Variants in PGM2 observed in about 807,000 individuals in gnomAD.
PGM2 encodes the protein phosphoglucomutase 2.
In PGM2, 57 loss-of-function variants were observed where a neutral mutation model predicts 74.6. The observed-to-expected ratio is 0.76, with a 90% CI of 0.62 to 0.95. PGM2 has a LOEUF of 0.95. PGM2 is among the 40% of genes least tolerant of loss of function. PGM2 has a pLI of 0.00. For synonymous variants in PGM2, 273 were observed against 260.7 expected (o/e 1.05, Z -0.46); for missense variants, 706 against 741.9 (o/e 0.95, Z 0.56).
intron 6 of PGM2, among the ~76,000 whole-genome samples, chr4:37,840,772 C>A (rs938158892): frequency 1.1e-4 from 16 of 152,012 alleles, no homozygotes; most frequent in Non-Finnish European, 2.2e-4. Context: ...GCTTTGAGGT[C>A]CACACAGACT....
chr4:37,857,826 A>G (rs563697275), intron 13 of PGM2, among the ~76,000 whole-genome samples: 2 of 152,342 alleles, frequency 1.3e-5, no homozygotes, highest in East Asian at 1.9e-4. Context: ...ATATTATGCA[A>G]GAATCTTGTT....
rs570595769 is a variant in PGM2 at position 37,862,914 on chromosome 4, G to A, written c.*1302G>A. 1 of 152,102 alleles carries A rather than the reference G, an allele frequency of 6.6e-6. No homozygotes were observed. The highest frequency in any genetic ancestry group is 6.6e-5 in the Admixed American group (1 of 15,224). 9.4% of individuals were successfully genotyped at this position (152,102 alleles called of 1,614,324 possible). ...GTTTTCTAGTGTCAAACTGTACTGT[G>A]GAGAAAAGAAATGTTAGATCTGTGT... On this transcript the variant is annotated 3_prime_UTR_variant, in exon 14 of 14. Coordinates refer to ENST00000381967, the MANE Select transcript of PGM2 (RefSeq NM_018290.4).
chr4:37,848,647 G>A lies in PGM2; in HGVS notation c.1408G>A (p.Val470Met). The A allele has an allele frequency of 2.5e-6, 4 of 1,612,408 alleles. No homozygotes were observed. The highest frequency in any genetic ancestry group is 3.4e-6 in the Non-Finnish European group (4 of 1,178,664). ...GTCTCAGCAACTAAAGGCCATTTAT[G>A]TGGAGTAAGTTGTTATTGACTCTGT... Reference protein sequence around the residue: ...SLSQQLKAIYVEYGYHITKAS... With the variant: ...SLSQQLKAIYMEYGYHITKAS... The change falls in exon 11 of 14, where the codon GTG becomes ATG. Residue 470 changes from valine to methionine, a missense_variant. Physicochemically the swap from Val to Met is conservative, Grantham distance 21. This residue lies in a region of PGM2 where 359 missense variants were observed against 371.1 expected (regional missense o/e 0.97). Coordinates refer to ENST00000381967, the MANE Select transcript of PGM2 (RefSeq NM_018290.4).
intron 13 of PGM2, among the ~76,000 whole-genome samples, 182 bp from the exon 14 acceptor site, chr4:37,861,328 G>T (rs1020545924): frequency 1.3e-5 from 2 of 152,218 alleles, no homozygotes; most frequent in Non-Finnish European, 1.5e-5. Flanking sequence ...TTGTCTCATG[G>T]GGTGTTTTGT....
intron 6 of PGM2, 102 bp downstream of exon 6, chr4:37,840,361 A>G: frequency 1.5e-6 from 1 of 685,420 alleles, no homozygotes; most frequent in South Asian, 1.9e-5. Context: ...CTCATGTACT[A>G]CAGCTGCATC....
intron 8 of PGM2, among the ~76,000 whole-genome samples, chr4:37,846,664 CAT>C (rs1281864742): frequency 3.3e-5 from 5 of 152,184 alleles, no homozygotes; most frequent in African/African-American, 9.7e-5. Flanking sequence ...CATTGTGTGT[CAT>C]GTGTGACATA....
chr4:37,837,771 T>G (rs1007386498), intron 4 of PGM2, among the ~76,000 whole-genome samples, 158 bp downstream of exon 4: 4 of 152,228 alleles, frequency 2.6e-5, no homozygotes, highest in African/African-American at 9.7e-5. Context: ...GGAATGTTTC[T>G]CCCACATCTT....
At chr4:37,833,131 C>T (rs1403087043) in intron 2 of PGM2, among the ~76,000 whole-genome samples, 1 of 152,162 alleles carries the variant, frequency 6.6e-6, no homozygotes, top group Non-Finnish European at 1.5e-5. Flanking sequence ...ATACACATGG[C>T]CTTATTTCCT....
chr4:37,860,906 G>C (rs1170619069), intron 13 of PGM2, among the ~76,000 whole-genome samples: 2 of 152,148 alleles, frequency 1.3e-5, no homozygotes, highest in Admixed American at 6.6e-5. Flanking sequence ...TACTTCAGTT[G>C]TGAATCTTTG....
intron 1 of PGM2, among the ~76,000 whole-genome samples, chr4:37,827,618 T>C (rs778352542): frequency 6.6e-6 from 1 of 152,134 alleles, no homozygotes; most frequent in Non-Finnish European, 1.5e-5. Context: ...CTTCCTTGGC[T>C]CCGAAGCGTT....
At chr4:37,831,380 G>A (rs1321760807) in intron 2 of PGM2, among the ~76,000 whole-genome samples, 2 of 152,014 alleles carry the variant, frequency 1.3e-5, no homozygotes, top group Admixed American at 1.3e-4. Flanking sequence ...CAGTTACTAG[G>A]GCTATGTAAC....
chr4:37,835,445 A>G (rs541099541), intron 3 of PGM2, among the ~76,000 whole-genome samples: 40 of 152,312 alleles, frequency 2.6e-4, no homozygotes, highest in Middle Eastern at 3.4e-3. Context: ...GCATAAACAC[A>G]GGAGCATGGC....
At chr4:37,852,966 C>A (rs775353208) in intron 12 of PGM2, among the ~76,000 whole-genome samples, 1 of 152,032 alleles carries the variant, frequency 6.6e-6, no homozygotes, top group Non-Finnish European at 1.5e-5. Flanking sequence ...AAAATAATCA[C>A]CTCCCCTGCA....
chr4:37,846,922 T>C lies in PGM2; in HGVS notation c.1008-9T>C, dbSNP rs1577679179. 1 of 1,578,330 alleles carries C rather than the reference T, an allele frequency of 6.3e-7. No individual in the cohort carries two copies. Reference sequence around the variant, plus strand: ...ATGAATGGTGGTTGTTGTTTTTTTTTTCTTTCAGTGGTGAATGGAGGGTGT... The same window carrying C: ...ATGAATGGTGGTTGTTGTTTTTTTTCTCTTTCAGTGGTGAATGGAGGGTGT... On this transcript the variant is annotated splice_polypyrimidine_tract_variant and intron_variant, in intron 8 of 13. Transcript: ENST00000381967.
intron 12 of PGM2, among the ~76,000 whole-genome samples, chr4:37,851,784 C>G (rs1017076315): frequency 5.9e-5 from 9 of 152,154 alleles, no homozygotes; most frequent in Non-Finnish European, 1.3e-4. Context: ...TTTCTACATT[C>G]AATAATTCTC....
chr4:37,841,072 GTATATATATATATATATATA>G (rs36127170), intron 6 of PGM2, among the ~76,000 whole-genome samples: 1 of 113,800 alleles, frequency 8.8e-6, no homozygotes, highest in Non-Finnish European at 1.7e-5. Context: ...ATATGCAAGC[GTATATATATATATATATATA>G]TATATATATG....
intron 10 of PGM2, among the ~76,000 whole-genome samples, chr4:37,847,859 T>C (rs1725919995): frequency 6.6e-6 from 1 of 152,254 alleles, no homozygotes; most frequent in Admixed American, 6.5e-5. Flanking sequence ...TACCAAACGC[T>C]TTTAGCTATT....
intron 11 of PGM2, among the ~76,000 whole-genome samples, chr4:37,849,357 A>G (rs1725971627): frequency 6.7e-6 from 1 of 150,018 alleles, no homozygotes; most frequent in African/African-American, 2.4e-5. Context: ...ATGCAGGCGG[A>G]AGACCAGGCA....
At chr4:37,829,530 T>C (rs952269159) in intron 1 of PGM2, among the ~76,000 whole-genome samples, 1 of 152,184 alleles carries the variant, frequency 6.6e-6, no homozygotes, top group Admixed American at 6.5e-5. Flanking sequence ...AAATGCCAGG[T>C]AGAGAAAGAT....
Sources: allele counts gnomAD v4.1 joint callset (sites outside exome capture counted in the v4.1 genomes callset), GRCh38; gene constraint gnomAD v4.1.1; regional missense constraint gnomAD v4.1.1; transcripts MANE v1.5; gene names NCBI Gene and HGNC (gene_info 2026-07-23, HGNC 2026-07-21).